EPHA5: variants seen among roughly 807,000 people sequenced by gnomAD.
EPHA5 encodes EPH receptor A5, also known as ephrin type-A receptor 5.
In EPHA5, 60 loss-of-function variants were observed where a neutral mutation model predicts 105.0. That is an observed-to-expected ratio of 0.57 (90% CI 0.46 to 0.71). The LOEUF (loss-of-function observed/expected upper bound fraction) is 0.71, where lower values mean the gene tolerates loss of function less well. Ranked by LOEUF, EPHA5 falls within the 30% of genes least tolerant of loss-of-function variation. The pLI is 0.00. For synonymous variants in EPHA5, 513 were observed against 449.1 expected (o/e 1.14, Z -1.80); for missense variants, 1,218 against 1,274.7 (o/e 0.96, Z 0.68).
chr4:65,576,064 AAAAG>A (rs1740950987), intron 3 of EPHA5, among the ~76,000 whole-genome samples: 1 of 74,310 alleles, frequency 1.3e-5, no homozygotes, highest in Non-Finnish European at 2.6e-5. Flanking sequence ...GAAAGAAAAG[AAAAG>A]AAAAGAAAAG....
chr4:65,375,031 A>G (rs1039088139), intron 8 of EPHA5, among the ~76,000 whole-genome samples: 3 of 151,924 alleles, frequency 2.0e-5, no homozygotes, highest in African/African-American at 4.8e-5. Flanking sequence ...AATTTGTAGT[A>G]ATTTGAAATT....
At chr4:65,378,803 T>C (rs563918205) in intron 8 of EPHA5, among the ~76,000 whole-genome samples, 1 of 152,018 alleles carries the variant, frequency 6.6e-6, no homozygotes, top group South Asian at 2.1e-4. Flanking sequence ...TTTTATTTTT[T>C]TGCATGGTTT....
At chr4:65,514,782 C>T (rs373133417) in intron 3 of EPHA5, among the ~76,000 whole-genome samples, 18 of 151,992 alleles carry the variant, frequency 1.2e-4, no homozygotes, top group African/African-American at 4.1e-4. Context: ...TTCCTTGATG[C>T]TCCCCTTCAC....
At chr4:65,550,153 A>T (rs567382481) in intron 3 of EPHA5, among the ~76,000 whole-genome samples, 1 of 151,970 alleles carries the variant, frequency 6.6e-6, no homozygotes, top group African/African-American at 2.4e-5. Context: ...TGATAATCAA[A>T]TTTTTTTCTT....
In EPHA5 at chr4:65,669,615, C is replaced by A. The variant is rs1750280034; in HGVS notation, c.128G>T (p.Cys43Phe). 1 of 1,432,358 alleles carries A rather than the reference C, an allele frequency of 7.0e-7. No homozygotes were observed. Among genetic ancestry groups the A allele is most frequent in the Non-Finnish European group, 9.2e-7 (1 of 1,086,914 alleles). The allele number at this position is 1,432,358 out of a possible 1,614,324, so 88.7% of individuals were successfully genotyped here. Residue 43 changes from cysteine to phenylalanine, a missense_variant, in exon 1 of 17, where the codon TGC (cysteine) becomes TTC (phenylalanine). Cys to Phe is a radical substitution (Grantham distance 205). Transcript: ENST00000613740. ...CCGGAGTGCGGCGCACAGGAGAAGG[C>A]ACGTCCAGAGGGGAGCCCGTCGAGG... ...SAPRRAPLWT[C>F]LLLCAALRTL...
chr4:65,589,818 A>G (rs1034936201), intron 3 of EPHA5, among the ~76,000 whole-genome samples: 1 of 152,214 alleles, frequency 6.6e-6, no homozygotes, highest in Non-Finnish European at 1.5e-5. Flanking sequence ...GTGAGGCATA[A>G]AAGTAGTGTG....
intron 13 of EPHA5, among the ~76,000 whole-genome samples, chr4:65,348,681 T>A (rs1486104765): frequency 1.2e-5 from 1 of 80,676 alleles, no homozygotes; most frequent in Non-Finnish European, 2.7e-5. Context: ...TATATATATA[T>A]ATATATATAT....
chr4:65,624,246 T>G (rs1028040907), intron 2 of EPHA5, among the ~76,000 whole-genome samples: 1 of 152,036 alleles, frequency 6.6e-6, no homozygotes, highest in African/African-American at 2.4e-5. Flanking sequence ...GATAAGAAAA[T>G]CATGAGATTT....
intron 3 of EPHA5, among the ~76,000 whole-genome samples, chr4:65,535,302 A>G (rs1457693097): frequency 6.6e-6 from 1 of 152,082 alleles, no homozygotes; most frequent in African/African-American, 2.4e-5. Flanking sequence ...CTGTGGCAGG[A>G]TGGAGACATG....
chr4:65,435,608 C>G (rs1725400731), intron 5 of EPHA5, among the ~76,000 whole-genome samples: 1 of 152,010 alleles, frequency 6.6e-6, no homozygotes, highest in Non-Finnish European at 1.5e-5. Context: ...CTGTCTTTTT[C>G]TTTTTCCGCT....
intron 5 of EPHA5, among the ~76,000 whole-genome samples, chr4:65,438,912 T>C (rs1725750532): frequency 6.6e-6 from 1 of 152,004 alleles, no homozygotes. Context: ...TCTGAGAAGG[T>C]GAATAAAATA....
chr4:65,480,775 A>T (rs927349695), intron 5 of EPHA5, among the ~76,000 whole-genome samples: 2 of 152,104 alleles, frequency 1.3e-5, no homozygotes, highest in Non-Finnish European at 2.9e-5. Flanking sequence ...TCTATTCTCA[A>T]TGAGTCTATG....
chr4:65,461,265 G>A (rs1728095953), intron 5 of EPHA5, among the ~76,000 whole-genome samples: 1 of 151,870 alleles, frequency 6.6e-6, no homozygotes, highest in South Asian at 2.1e-4. Context: ...GTCACTATCT[G>A]TGATTTAATA....
At chr4:65,366,198 AC>A in intron 9 of EPHA5, 141 bp from the exon 10 acceptor site, 4 of 689,576 alleles carry the variant, frequency 5.8e-6, no homozygotes, top group Non-Finnish European at 9.1e-6. Context: ...CTCCTGAGTT[AC>A]AGTTGTTTGT....
chr4:65,371,948 A>G (rs1718518144), intron 8 of EPHA5, among the ~76,000 whole-genome samples: 1 of 151,912 alleles, frequency 6.6e-6, no homozygotes, highest in Non-Finnish European at 1.5e-5. Context: ...TATTTTCCAG[A>G]TTGATTAAGA....
At chr4:65,560,214 G>A (rs751064647) in intron 3 of EPHA5, among the ~76,000 whole-genome samples, 1 of 152,054 alleles carries the variant, frequency 6.6e-6, no homozygotes, top group Admixed American at 6.6e-5. Flanking sequence ...TTTGACAATA[G>A]ATATATTCAC....
At chr4:65,628,322 A>G (rs1746331734) in intron 2 of EPHA5, among the ~76,000 whole-genome samples, 1 of 152,110 alleles carries the variant, frequency 6.6e-6, no homozygotes, top group Admixed American at 6.6e-5. Flanking sequence ...AGCACAATAC[A>G]TGTAAGTGTC....
intron 5 of EPHA5, among the ~76,000 whole-genome samples, chr4:65,450,303 G>A (rs1443486926): frequency 6.6e-6 from 1 of 152,082 alleles, no homozygotes; most frequent in Non-Finnish European, 1.5e-5. Context: ...GAGTGGAAAT[G>A]TTTCTTATGT....
At chr4:65,590,118 C>T (rs1742495115) in intron 3 of EPHA5, among the ~76,000 whole-genome samples, 1 of 152,164 alleles carries the variant, frequency 6.6e-6, no homozygotes. Flanking sequence ...ATGGAGTTAT[C>T]CGTCAGTCAA....
Sources: gnomAD v4.1 joint callset for allele counts (sites outside exome capture counted in the v4.1 genomes callset) on GRCh38, gnomAD v4.1.1 for gene constraint, MANE v1.5 for transcripts, NCBI Gene and HGNC (gene_info 2026-07-23, HGNC 2026-07-21) for gene names.